The following LYST variants were observed in gnomAD, a reference collection of about 807,000 sequenced individuals.
LYST encodes lysosomal-trafficking regulator.
LYST carries 192 observed loss-of-function variants against 413.6 expected under a neutral mutation model. The ratio of observed to expected loss-of-function variants is 0.46; its 90% CI spans 0.41 to 0.52. LYST has a LOEUF of 0.52. Ranked by LOEUF, LYST falls within the 20% of genes least tolerant of loss-of-function variation. The probability of loss-of-function intolerance (pLI) is 0.00; values close to 1 mark genes in which losing one functional copy is unlikely to be tolerated. For synonymous variants in LYST, 1,525 were observed against 1,567.3 expected (o/e 0.97, Z 0.64); for missense variants, 3,815 against 4,499.9 (o/e 0.85, Z 4.35).
intron 39 of LYST, among the ~76,000 whole-genome samples, chr1:235,721,182 G>A (rs1285190685): frequency 6.6e-6 from 1 of 151,748 alleles, no homozygotes; most frequent in Non-Finnish European, 1.5e-5. Flanking sequence ...TTAAGACACA[G>A]ATACTAAAAG....
chr1:235,735,856 C>G (rs1170434550), intron 31 of LYST: 1 of 152,034 alleles, frequency 6.6e-6, no homozygotes, highest in South Asian at 2.1e-4. Context: ...ACAGCTGCTA[C>G]CTGACCAAAA....
At chr1:235,710,526 C>G (rs1662327036) in intron 43 of LYST, among the ~76,000 whole-genome samples, 1 of 152,196 alleles carries the variant, frequency 6.6e-6, no homozygotes, top group Non-Finnish European at 1.5e-5. Flanking sequence ...AAGCAGACAA[C>G]TGACATACGA....
At chr1:235,762,107 A>T (rs1667654828) in intron 22 of LYST, among the ~76,000 whole-genome samples, 1 of 152,116 alleles carries the variant, frequency 6.6e-6, no homozygotes, top group South Asian at 2.1e-4. Flanking sequence ...CATGTATCCT[A>T]AAACTTAAAG....
chr1:235,678,372 T>C (rs1659550043), intron 48 of LYST, among the ~76,000 whole-genome samples: 1 of 152,174 alleles, frequency 6.6e-6, no homozygotes, highest in African/African-American at 2.4e-5. Context: ...GAAGGTGTCA[T>C]GCAAATTGGT....
chr1:235,733,562 T>C lies in LYST; in HGVS notation c.8742A>G (p.Lys2914=), dbSNP rs886046172. The C allele has an allele frequency of 6.2e-7, 1 of 1,614,006 alleles. No homozygotes were observed. The highest frequency in any genetic ancestry group is 1.7e-4 in the Middle Eastern group (1 of 6,056). ...KVIQHIRGMY[K]VDLSASRHWQ... ...AATGTCTGCTGGCACTCAAATCTAC[T>C]TTATACATTCCTCTAATATGCTGGA... Residue 2914 remains lysine (K), a synonymous_variant, in exon 34 of 53, where the codon AAA becomes AAG. Coordinates refer to ENST00000389793, the MANE Select transcript of LYST (RefSeq NM_000081.4).
chr1:235,725,199 G>A (rs931220099), intron 38 of LYST, among the ~76,000 whole-genome samples: 1 of 152,064 alleles, frequency 6.6e-6, no homozygotes, highest in Non-Finnish European at 1.5e-5. Flanking sequence ...TTTGGGAGGC[G>A]GAGGCAGGCA....
At chr1:235,830,848 T>C (rs1274671067) in intron 2 of LYST, among the ~76,000 whole-genome samples, 1 of 152,080 alleles carries the variant, frequency 6.6e-6, no homozygotes, top group Non-Finnish European at 1.5e-5. Context: ...CACTGACCCA[T>C]CCTCCCCAAA....
intron 7 of LYST, 41 bp downstream of exon 7, chr1:235,804,463 G>A: frequency 6.5e-7 from 1 of 1,528,540 alleles, no homozygotes; most frequent in East Asian, 2.2e-5. Context: ...CGCCTCTGCT[G>A]GTCATACCCA....
intron 48 of LYST, among the ~76,000 whole-genome samples, chr1:235,678,553 G>A (rs539259125): frequency 7.4e-4 from 113 of 152,188 alleles, no homozygotes; most frequent in Admixed American, 3.3e-3. Flanking sequence ...TTATCATAAA[G>A]CATTTCAATA....
chr1:235,771,848 T>C (rs1465203696), intron 19 of LYST, among the ~76,000 whole-genome samples: 1 of 151,856 alleles, frequency 6.6e-6, no homozygotes, highest in Non-Finnish European at 1.5e-5. Flanking sequence ...TAGAAAATTC[T>C]CTTTCCTCTA....
At chr1:235,813,844 C>T (rs996686283) in intron 3 of LYST, among the ~76,000 whole-genome samples, 6 of 152,216 alleles carry the variant, frequency 3.9e-5, no homozygotes, top group Non-Finnish European at 8.8e-5. Flanking sequence ...AAGGATTTAA[C>T]GACAAATCAA....
chr1:235,710,010 T>C (rs149293037), intron 43 of LYST, among the ~76,000 whole-genome samples: 20 of 152,280 alleles, frequency 1.3e-4, no homozygotes, highest in Admixed American at 1.3e-3. Flanking sequence ...AAAATTATCC[T>C]AAAGGAAATG....
intron 50 of LYST, among the ~76,000 whole-genome samples, chr1:235,670,964 C>T (rs1477833635): frequency 2.0e-5 from 3 of 152,088 alleles, no homozygotes; most frequent in African/African-American, 7.2e-5. Context: ...CTCTGATAAC[C>T]CTCTAAGTCT....
At position 235,674,834 on chromosome 1, in the gene LYST, C is replaced by T. The variant is rs761352612; in HGVS notation, c.11038+2257G>A. 1.6e-4 allele frequency among the ~76,000 whole-genome samples: 25 copies of T among 152,124 alleles called. No homozygotes were observed. The highest frequency in any genetic ancestry group is 4.2e-4 in the South Asian group (2 of 4,810). The stretch of plus-strand genomic sequence containing the variant: ...TTACCACCCTAGCAAATAAATTAGC[C>T]GAAAAGTCATAGAAAAATGGTTTAG... On this transcript the variant is annotated intron_variant, in intron 50 of 52. Coordinates refer to ENST00000389793, the MANE Select transcript of LYST (RefSeq NM_000081.4). The surrounding 1 kb of genome is among the most constrained non-coding windows in gnomAD (Gnocchi z 4.1).
intron 50 of LYST, among the ~76,000 whole-genome samples, chr1:235,668,846 AC>A (rs1220211446): frequency 1.3e-5 from 2 of 152,206 alleles, no homozygotes; most frequent in African/African-American, 2.4e-5. Context: ...AACTTGTACT[AC>A]CAAAGTCAAC....
rs779576993 is a variant in LYST, at chr1:235,810,091, C to G, written c.727G>C (p.Ala243Pro). The change falls in exon 5 of 53, where the codon GCC becomes CCC. Residue 243 changes from alanine to proline, a missense_variant. Around this residue, in one of 4 missense-constraint regions of LYST, gnomAD observed 1,648 missense variants for 1,810.3 expected, o/e 0.91. Transcript: ENST00000389793. ...TTCATGTTACTGATAACAGACAAGG[C>G]AGCTGGCTCACTTAAAATGTCAGTG... ...SNTDILSEPA[A>P]LSVISNMNNS... 6.2e-7 allele frequency: 1 copy of G among 1,614,026 alleles called. No homozygotes were observed. The highest frequency in any genetic ancestry group is 8.5e-7 in the Non-Finnish European group (1 of 1,179,900).
Position 235,759,106 on chromosome 1 carries a change from A to C in LYST, c.6747T>G (p.Ala2249=). Reference sequence around the variant, plus strand: ...CTGCAGATCCGTTCTGTGAAGGAAAAGCTAGCCCAAGGCTTGCAATAGTGC... The same window carrying C: ...CTGCAGATCCGTTCTGTGAAGGAAACGCTAGCCCAAGGCTTGCAATAGTGC... ...SHSTIASLGL[A]FPSQNGSAAV... The change falls in exon 23 of 53, where the codon GCT becomes GCG. Residue 2249 remains alanine, a synonymous_variant. Transcript: ENST00000389793. The C allele has an allele frequency of 6.2e-7, 1 of 1,614,194 alleles. No individual in the cohort carries two copies.
Position 235,712,201 on chromosome 1 carries a change from T to C in LYST, c.9785-4A>G, listed in dbSNP as rs866556712. ...TCTGGAATGTCAAAACTTTGATCTA[T>C]AAAAAAATACAAATAATACGATTAA... On this transcript the variant is annotated splice_region_variant and splice_polypyrimidine_tract_variant and intron_variant, in intron 42 of 52. Coordinates refer to ENST00000389793, the MANE Select transcript of LYST (RefSeq NM_000081.4). 6.4e-6 allele frequency: 10 copies of C among 1,568,294 alleles called. No homozygotes were observed. Among genetic ancestry groups the C allele is most frequent in the African/African-American group, 1.4e-5 (1 of 73,812 alleles).
In LYST at chr1:235,866,790, C is replaced by T. The variant is rs1680590709; in HGVS notation, c.-98+53G>A. The T allele has an allele frequency of 2.6e-5, 4 of 152,436 alleles. No homozygotes were observed. In the South Asian group the frequency reaches 7.8e-4, roughly 30 times the overall value. 9.4% of individuals were successfully genotyped at this position (152,436 alleles called of 1,614,324 possible). ...CTCCCCTCCAGGCCACGCAGAGGGG[C>T]CGGGACCCGGAACCTTCTGCCGGCA... On this transcript the variant is annotated intron_variant, in intron 1 of 52. Coordinates refer to ENST00000389793, the MANE Select transcript of LYST (RefSeq NM_000081.4).
Sources: gnomAD v4.1 joint callset for allele counts (sites outside exome capture counted in the v4.1 genomes callset) on GRCh38, gnomAD v4.1.1 for gene constraint, gnomAD v4.1.1 regional missense constraint, Gnocchi (gnomAD v3.1) non-coding constraint, MANE v1.5 for transcripts, NCBI Gene and HGNC (gene_info 2026-07-23, HGNC 2026-07-21) for gene names.